The following RBFOX1 variants were observed in gnomAD, a reference collection of about 807,000 sequenced individuals.
The protein encoded by RBFOX1 is RNA binding protein fox-1 homolog 1.
In RBFOX1, 8 loss-of-function variants were observed where a neutral mutation model predicts 57.7. The ratio of observed to expected loss-of-function variants is 0.14; its 90% confidence interval spans 0.08 to 0.25. RBFOX1 has a LOEUF of 0.25. Ranked by LOEUF, RBFOX1 falls within the 10% of genes least tolerant of loss-of-function variation. RBFOX1 has a pLI of 1.00. For missense variants in RBFOX1, 611 were observed against 548.5 expected, an observed-to-expected ratio of 1.11 and a Z score of -1.14; for synonymous variants, 326 against 222.4, an observed-to-expected ratio of 1.47 and a Z score of -4.15.
In RBFOX1 at chr16:5,368,620, G is replaced by A. The variant is rs192454039; in HGVS notation, c.220-98596G>A. Among the ~76,000 whole-genome samples the A allele has an allele frequency of 3.9e-5, 6 of 152,186 alleles. No individual in the cohort carries two copies. In the East Asian group the frequency reaches 5.8e-4, roughly 15 times the overall value. On this transcript the variant is annotated intron_variant, in intron 1 of 2. Coordinates refer to the RBFOX1 transcript ENST00000585867. Reference sequence around the variant, plus strand: ...CTACACGGTTTCTTAAACTCTTGCCGTTATGCACATTTCTGAGCTCTTTAA... The same window carrying A: ...CTACACGGTTTCTTAAACTCTTGCCATTATGCACATTTCTGAGCTCTTTAA...
chr16:7,006,046 A>G (rs1256247411), intron 3 of RBFOX1, among the ~76,000 whole-genome samples: 4 of 152,308 alleles, frequency 2.6e-5, no homozygotes, highest in East Asian at 1.9e-4. Flanking sequence ...TCCTCATGGT[A>G]TATGTTCTCC....
chr16:5,581,383 A>G (rs571117577), intron 2 of RBFOX1, among the ~76,000 whole-genome samples: 5 of 152,292 alleles, frequency 3.3e-5, no homozygotes, highest in South Asian at 2.1e-4. Flanking sequence ...TCCAATACCT[A>G]TGTGTGTCAG....
At chr16:7,142,546 GC>G (rs1321640268) in intron 4 of RBFOX1, among the ~76,000 whole-genome samples, 1 of 152,108 alleles carries the variant, frequency 6.6e-6, no homozygotes, top group Non-Finnish European at 1.5e-5. Context: ...CGCATGGCCG[GC>G]TCTTTCTTAG....
chr16:5,744,844 G>C lies in RBFOX1; in HGVS notation c.319-122459G>C, dbSNP rs187196517. 2.9e-3 allele frequency among the ~76,000 whole-genome samples: 435 copies of C among 152,218 alleles called. 5 individuals carry two copies. Among genetic ancestry groups the C allele is most frequent in the African/African-American group, 0.01 (420 of 41,536 alleles). On this transcript the variant is annotated intron_variant, in intron 3 of 19. Transcript: ENST00000641259. ...GCGATCTCAGCTCACTGCAACTTCTGCCTCCCGGGTTCAAACAATTCTCCT... is the reference window on the plus strand; with the variant it reads ...GCGATCTCAGCTCACTGCAACTTCTCCCTCCCGGGTTCAAACAATTCTCCT...
At chr16:7,704,770 G>C (rs1283114045) in intron 14 of RBFOX1, among the ~76,000 whole-genome samples, 1 of 152,318 alleles carries the variant, frequency 6.6e-6, no homozygotes, top group African/African-American at 2.4e-5. Context: ...GAGCAGTCAG[G>C]CTGGGTGTGG....
At chr16:6,461,165 A>G (rs1038212517) in intron 2 of RBFOX1, among the ~76,000 whole-genome samples, 1 of 152,186 alleles carries the variant, frequency 6.6e-6, no homozygotes. Flanking sequence ...CTTAGTACCT[A>G]GGTGATGAGG....
chr16:6,591,427 C>T (rs2097708918), intron 2 of RBFOX1, among the ~76,000 whole-genome samples: 5 of 152,252 alleles, frequency 3.3e-5, no homozygotes, highest in South Asian at 4.2e-4. Context: ...GCACTCCAGT[C>T]TGGGTGTCGT....
In RBFOX1 at chr16:6,560,352, A is replaced by G. The variant is rs181915156; in HGVS notation, c.-63-94251A>G. Among the ~76,000 whole-genome samples the G allele has an allele frequency of 8.1e-4, 106 of 130,876 alleles. 1 individual carries two copies. The highest frequency in any genetic ancestry group is 8.0e-3 in the Middle Eastern group (2 of 250). 85.9% of individuals were successfully genotyped at this position (130,876 alleles called of 152,430 possible). ...GAGGGCAGGAGAGTGGGGGTGGAAG[A>G]ATCCATTGCAATTTTACATGAGGAG... On this transcript the variant is annotated intron_variant, in intron 2 of 15. Coordinates refer to ENST00000550418, the MANE Select transcript of RBFOX1 (RefSeq NM_018723.4).
At chr16:7,308,799 C>G (rs1313564992) in intron 4 of RBFOX1, among the ~76,000 whole-genome samples, 1 of 152,192 alleles carries the variant, frequency 6.6e-6, no homozygotes, top group Non-Finnish European at 1.5e-5. Context: ...AGGGTGGCCC[C>G]ATGCACCAGC....
At chr16:6,647,836 G>A (rs1403145152) in intron 2 of RBFOX1, among the ~76,000 whole-genome samples, 6 of 152,084 alleles carry the variant, frequency 3.9e-5, no homozygotes, top group Non-Finnish European at 7.4e-5. Flanking sequence ...CTAGGGATAA[G>A]TGATCCCCTT....
At chr16:6,727,350 C>T (rs927813780) in intron 3 of RBFOX1, among the ~76,000 whole-genome samples, 2 of 152,012 alleles carry the variant, frequency 1.3e-5, no homozygotes, top group African/African-American at 2.4e-5. Flanking sequence ...CTAATAGAAA[C>T]TATCTAAAGA....
chr16:6,095,485 C>T (rs2096233934), intron 1 of RBFOX1, among the ~76,000 whole-genome samples: 1 of 152,156 alleles, frequency 6.6e-6, no homozygotes, highest in African/African-American at 2.4e-5. Context: ...TTCACTCTTT[C>T]TCTTTCAGTT....
chr16:6,230,222 T>C (rs1218170975), intron 1 of RBFOX1, among the ~76,000 whole-genome samples: 2 of 152,174 alleles, frequency 1.3e-5, no homozygotes, highest in Admixed American at 1.3e-4. Context: ...AATGAGTTGA[T>C]CTTTTAATTT....
At chr16:7,208,153 G>C (rs532915223) in intron 4 of RBFOX1, among the ~76,000 whole-genome samples, 2 of 152,272 alleles carry the variant, frequency 1.3e-5, no homozygotes, top group South Asian at 4.1e-4. Flanking sequence ...TTGGTTTTTG[G>C]AGGCAGGTAT....
intron 1 of RBFOX1, among the ~76,000 whole-genome samples, chr16:5,388,970 T>A (rs1383821441): frequency 6.6e-6 from 1 of 151,332 alleles, no homozygotes; most frequent in African/African-American, 2.4e-5. Context: ...GGTGGGCAGA[T>A]CACGAGGTCA....
chr16:5,932,954 A>G (rs570364466), intron 4 of RBFOX1, among the ~76,000 whole-genome samples: 17 of 152,304 alleles, frequency 1.1e-4, no homozygotes, highest in Admixed American at 7.2e-4. Context: ...TTAGGTAATG[A>G]TATCACTTTA....
intron 4 of RBFOX1, among the ~76,000 whole-genome samples, chr16:5,948,083 G>C (rs934417494): frequency 6.6e-6 from 1 of 152,176 alleles, no homozygotes; most frequent in African/African-American, 2.4e-5. Flanking sequence ...GGGCATGTGG[G>C]CATGGTGAGT....
intron 2 of RBFOX1, among the ~76,000 whole-genome samples, chr16:6,563,786 A>C (rs2097216780): frequency 1.3e-5 from 2 of 152,056 alleles, no homozygotes; most frequent in Non-Finnish European, 2.9e-5. Flanking sequence ...AGACTGAGCC[A>C]CTGCAATCCA....
intron 2 of RBFOX1, among the ~76,000 whole-genome samples, chr16:6,634,967 T>C (rs1383782600): frequency 2.8e-5 from 4 of 141,588 alleles, no homozygotes; most frequent in African/African-American, 1.0e-4. Context: ...TTATTACATA[T>C]ATTATACATG....
Sources: allele counts gnomAD v4.1 joint callset (sites outside exome capture counted in the v4.1 genomes callset), GRCh38; gene constraint gnomAD v4.1.1; transcripts MANE v1.5; gene names NCBI Gene and HGNC (gene_info 2026-07-23, HGNC 2026-07-21).